HERC2: variants seen among roughly 807,000 people sequenced by gnomAD.
HERC2 encodes the protein E3 ubiquitin-protein ligase HERC2.
Under a neutral mutation model 537.7 loss-of-function variants are expected in HERC2, and 102 were observed. The observed-to-expected ratio is 0.19, with a 90% CI of 0.16 to 0.22. The LOEUF (loss-of-function observed/expected upper bound fraction) is 0.22. Among genes scored for constraint, HERC2 ranks in the 10% least tolerant of loss-of-function variants. The pLI is 1.00. For missense variants in HERC2, 4,236 were observed against 6,198.2 expected (o/e 0.68, Z 10.63); for synonymous variants, 2,224 against 2,466.2 (o/e 0.90, Z 2.91).
intron 23 of HERC2, among the ~76,000 whole-genome samples, chr15:28,240,245 C>T (rs1902942472): frequency 6.6e-6 from 1 of 152,096 alleles, no homozygotes; most frequent in Admixed American, 6.5e-5. Context: ...GGTGAAACCC[C>T]ATCTCTACTA....
chr15:28,121,183 G>A (rs1376592670), intron 86 of HERC2, among the ~76,000 whole-genome samples, 163 bp downstream of exon 86: 1 of 152,202 alleles, frequency 6.6e-6, no homozygotes, highest in Non-Finnish European at 1.5e-5. Context: ...GGAAGCCCCA[G>A]CACATCACAT....
chr15:28,168,711 AAG>A (rs747798474), intron 66 of HERC2, 121 bp from the exon 67 acceptor site: 128 of 809,286 alleles, frequency 1.6e-4, no homozygotes, highest in Non-Finnish European at 2.2e-4. Context: ...ATACATGTAG[AAG>A]AGTTTTGGAA....
At position 28,265,135 on chromosome 15, in the gene HERC2, A is replaced by C. The variant is rs896902212; in HGVS notation, c.1870+483T>G. ...CAATACTGAAAGACGAGTCATTTCT[A>C]AAATATTAACATGACTTTAACCATC... is the stretch of plus-strand genomic sequence containing the variant. On this transcript the variant is annotated intron_variant, in intron 14 of 92. Coordinates refer to ENST00000261609, the MANE Select transcript of HERC2 (RefSeq NM_004667.6). This position sits in a 1 kb window ranked among gnomAD's most constrained non-coding sequence, Gnocchi z 4.0. 5.3e-5 allele frequency among the ~76,000 whole-genome samples: 8 copies of C among 152,124 alleles called. No individual in the cohort carries two copies. Among genetic ancestry groups the C allele is most frequent in the Admixed American group, 2.6e-4 (4 of 15,258 alleles).
intron 17 of HERC2, among the ~76,000 whole-genome samples, chr15:28,256,525 C>T (rs2140899545): frequency 6.6e-6 from 1 of 152,250 alleles, no homozygotes; most frequent in South Asian, 2.1e-4. Context: ...CCACTATGAA[C>T]ATGTTTATGG....
At chr15:28,163,931 C>T (rs1185735682) in intron 68 of HERC2, among the ~76,000 whole-genome samples, 1 of 152,180 alleles carries the variant, frequency 6.6e-6, no homozygotes, top group Non-Finnish European at 1.5e-5. Context: ...CATCACTGCA[C>T]CCCCAGCTCC....
At chr15:28,195,794 C>G (rs542168156) in intron 52 of HERC2, among the ~76,000 whole-genome samples, 1 of 152,110 alleles carries the variant, frequency 6.6e-6, no homozygotes, top group East Asian at 1.9e-4. Context: ...GTACTTAATA[C>G]CCTGAATTAT....
chr15:28,214,792 A>T lies in HERC2; in HGVS notation c.6221T>A (p.Val2074Glu). Residue 2074 changes from valine to glutamate, a missense_variant, in exon 40 of 93, where the codon GTG becomes GAG. Transcript: ENST00000261609. ...TGGAAGGACTGCTTGCAACAAATGCACAGCTAAGATCTGATAAAAGAAAAT... is the reference window on the plus strand; with the variant it reads ...TGGAAGGACTGCTTGCAACAAATGCTCAGCTAAGATCTGATAAAAGAAAAT... ...ATSLQRQILAVHLLQAVLPSW... is the reference protein window; with the variant it reads ...ATSLQRQILAEHLLQAVLPSW... 1 of 1,611,618 alleles carries T rather than the reference A, an allele frequency of 6.2e-7. No individual in the cohort carries two copies. Among genetic ancestry groups the T allele is most frequent in the Non-Finnish European group, 8.5e-7 (1 of 1,179,462 alleles).
chr15:28,233,637 A>G (rs761027933), intron 28 of HERC2, 27 bp downstream of exon 28: 14 of 1,612,632 alleles, frequency 8.7e-6, no homozygotes, highest in East Asian at 6.7e-5. Flanking sequence ...CAGTGTACCT[A>G]AAGTACACAG....
intron 56 of HERC2, among the ~76,000 whole-genome samples, chr15:28,183,563 GAA>G (rs1163778308): frequency 6.6e-6 from 1 of 152,178 alleles, no homozygotes; most frequent in Non-Finnish European, 1.5e-5. Context: ...CTTGCAACTT[GAA>G]AAGAGTACAC....
rs752074181 is a variant in HERC2, at chr15:28,113,286, G to T, written c.14020-3C>A. On this transcript the variant is annotated splice_polypyrimidine_tract_variant and splice_region_variant and intron_variant, in intron 91 of 92. Transcript: ENST00000261609. The surrounding 1 kb of genome is among the most constrained non-coding windows in gnomAD (Gnocchi z 7.0). The stretch of plus-strand genomic sequence containing the variant: ...GGGATGTCAGGGCTGCCACACACCT[G>T]CGGGAGGATGTCTGTCAGGGCCGCG... The T allele has an allele frequency of 6.2e-7, 1 of 1,613,898 alleles. No individual in the cohort carries two copies. Among genetic ancestry groups the T allele is most frequent in the South Asian group, 1.1e-5 (1 of 91,076 alleles).
intron 70 of HERC2, among the ~76,000 whole-genome samples, chr15:28,146,899 G>A (rs1207671189): frequency 2.3e-5 from 3 of 131,846 alleles, no homozygotes; most frequent in Non-Finnish European, 4.7e-5. Context: ...AAGAGGCAGG[G>A]GAGGAAGGAG....
intron 38 of HERC2, among the ~76,000 whole-genome samples, chr15:28,218,046 C>T (rs550012533): frequency 7.9e-5 from 12 of 151,954 alleles, no homozygotes; most frequent in African/African-American, 2.7e-4. Context: ...CCCTATCGTA[C>T]CTCGGCAGGT....
chr15:28,291,274 G>C (rs1222238401), intron 4 of HERC2, among the ~76,000 whole-genome samples: 2 of 152,132 alleles, frequency 1.3e-5, no homozygotes, highest in South Asian at 2.1e-4. Flanking sequence ...ACCCAGGCTG[G>C]AGTGTAGAGG....
chr15:28,117,595 G>A, intron 86 of HERC2: 1 of 463,342 alleles, frequency 2.2e-6, no homozygotes, highest in South Asian at 1.6e-5. Flanking sequence ...GACCAGAACA[G>A]ACTCCCGGCA....
In HERC2 at chr15:28,177,291, TA is replaced by T; in HGVS notation, c.9254+127del. The T allele has an allele frequency of 4.0e-6, 5 of 1,243,112 alleles. No homozygotes were observed. The highest frequency in any genetic ancestry group is 2.3e-5 in the Admixed American group (1 of 44,292). The allele number at this position is 1,243,112 out of a possible 1,614,324, so 77.0% of individuals were successfully genotyped here. ...GAGACCAAAACACAAACAACCGTGTTAAAAAAATTTTGTTTAAGAACCATTT... is the reference window on the plus strand; with the variant it reads ...GAGACCAAAACACAAACAACCGTGTTAAAAAATTTTGTTTAAGAACCATTT... On this transcript the variant is annotated intron_variant, in intron 60 of 92. Transcript: ENST00000261609. The surrounding 1 kb of genome is among the most constrained non-coding windows in gnomAD (Gnocchi z 5.0).
chr15:28,228,644 G>A (rs1186328170), intron 34 of HERC2, among the ~76,000 whole-genome samples: 3 of 152,318 alleles, frequency 2.0e-5, no homozygotes, highest in South Asian at 2.1e-4. Flanking sequence ...AAGAATAAAC[G>A]TAATGCAGAA....
chr15:28,278,441 G>A (rs1251753832), intron 5 of HERC2, among the ~76,000 whole-genome samples: 1 of 152,082 alleles, frequency 6.6e-6, no homozygotes, highest in African/African-American at 2.4e-5. Flanking sequence ...TAAATGCTCT[G>A]GAATTAGATG....
chr15:28,298,213 G>C (rs1212921204), intron 3 of HERC2, among the ~76,000 whole-genome samples: 1 of 147,166 alleles, frequency 6.8e-6, no homozygotes, highest in Admixed American at 6.8e-5. Context: ...GAGTGCAGTA[G>C]CACAATATCT....
intron 30 of HERC2, 62 bp downstream of exon 30, chr15:28,233,084 A>T: frequency 7.8e-7 from 1 of 1,287,068 alleles, no homozygotes; most frequent in South Asian, 1.3e-5. Flanking sequence ...GAAATCACAG[A>T]TCCAATGTGG....
Sources: allele counts gnomAD v4.1 joint callset (sites outside exome capture counted in the v4.1 genomes callset), GRCh38; gene constraint gnomAD v4.1.1; non-coding constraint Gnocchi (gnomAD v3.1); transcripts MANE v1.5; gene names NCBI Gene and HGNC (gene_info 2026-07-23, HGNC 2026-07-21).